The following ZBED1 variants were observed in gnomAD, a reference collection of about 807,000 sequenced individuals.
ZBED1 encodes the protein zinc finger BED-type containing 1.
ZBED1 carries 19 observed loss-of-function variants against 49.7 expected under a neutral mutation model. The observed-to-expected ratio is 0.38, with a 90% CI of 0.27 to 0.56. ZBED1 has a LOEUF of 0.56. Ranked by LOEUF, ZBED1 falls within the 20% of genes least tolerant of loss-of-function variation. The pLI is 0.70. For synonymous variants in ZBED1, 439 were observed against 440.3 expected, an observed-to-expected ratio of 1.00 and a Z score of 0.04; for missense variants, 806 against 972.6, an observed-to-expected ratio of 0.83 and a Z score of 2.28.
chrX:2,489,025 A>T lies in ZBED1; in HGVS notation c.1695T>A (p.His565Gln). The T allele has an allele frequency of 1.9e-6, 3 of 1,613,128 alleles. No homozygotes were observed. The highest frequency in any genetic ancestry group is 2.5e-6 in the Non-Finnish European group (3 of 1,179,376). ...TGGVEDQEEW[H>Q]AQVVEELSNF... ...TGCTCAGCTCCTCCACCACCTGGGCATGCCACTCTTCCTGGTCCTCCACGC... is the reference window on the plus strand; with the variant it reads ...TGCTCAGCTCCTCCACCACCTGGGCTTGCCACTCTTCCTGGTCCTCCACGC... The change falls in exon 2 of 2, where the codon CAT becomes CAA. Residue 565 changes from histidine (H) to glutamine (Q), a missense_variant. Coordinates refer to ENST00000652001, the MANE Select transcript of ZBED1 (RefSeq NM_001171136.2).
intron 1 of ZBED1, among the ~76,000 whole-genome samples, chrX:2,496,295 T>C (rs1192493648): frequency 6.6e-6 from 1 of 152,040 alleles, no homozygotes; most frequent in Non-Finnish European, 1.5e-5. Flanking sequence ...ACCTCCCAGG[T>C]TCACACCATT....
chrX:2,487,847 G>C lies in ZBED1; in HGVS notation c.*788C>G, dbSNP rs1159111441. ...TTAAGAAGGGCATTTTGGCTAAAAG[G>C]TCTCTTCCCCATTTCTCAGAAGCAA... On this transcript the variant is annotated 3_prime_UTR_variant, in exon 2 of 2. Coordinates refer to ENST00000652001, the MANE Select transcript of ZBED1 (RefSeq NM_001171136.2). The C allele has an allele frequency of 2.6e-5, 4 of 151,782 alleles. No homozygotes were observed. In the East Asian group the frequency reaches 7.7e-4, roughly 29 times the overall value. 9.4% of individuals were successfully genotyped at this position (151,782 alleles called of 1,614,324 possible). A position where few individuals can be genotyped will look rare whatever the true frequency, so the allele number is the denominator to read the frequency against.
chrX:2,495,940 C>T (rs1044536892), intron 1 of ZBED1, among the ~76,000 whole-genome samples: 5 of 152,136 alleles, frequency 3.3e-5, no homozygotes, highest in African/African-American at 1.2e-4. Flanking sequence ...AGGAGCCAGC[C>T]GCCATCCGTC....
At chrX:2,495,347 A>C (rs2045256143) in intron 1 of ZBED1, among the ~76,000 whole-genome samples, 1 of 151,824 alleles carries the variant, frequency 6.6e-6, no homozygotes, top group Non-Finnish European at 1.5e-5. Flanking sequence ...ACAAAGGTTT[A>C]TATTCTATTA....
intron 1 of ZBED1, among the ~76,000 whole-genome samples, chrX:2,497,955 T>A (rs2045322665): frequency 1.3e-5 from 2 of 152,202 alleles, no homozygotes; most frequent in South Asian, 4.1e-4. Context: ...ACTTACTGAA[T>A]GGGCCGCATG....
chrX:2,490,989 G>A (rs774847143), intron 1 of ZBED1, among the ~76,000 whole-genome samples: 15 of 151,990 alleles, frequency 9.9e-5, no homozygotes, highest in South Asian at 2.1e-4. Flanking sequence ...CGACTGCAGC[G>A]ATGCCGCACG....
chrX:2,495,109 T>C (rs2045248682), intron 1 of ZBED1, among the ~76,000 whole-genome samples: 1 of 150,880 alleles, frequency 6.6e-6, no homozygotes, highest in Non-Finnish European at 1.5e-5. Context: ...AGCAAAGGTT[T>C]ATATTCTATC....
At chrX:2,497,628 G>A (rs1164743120) in intron 1 of ZBED1, among the ~76,000 whole-genome samples, 1 of 152,142 alleles carries the variant, frequency 6.6e-6, no homozygotes, top group African/African-American at 2.4e-5. Context: ...TTGCATCCCA[G>A]AAAGTGAAGG....
rs760041224 is a variant in ZBED1 at position 2,489,975 on chromosome X, G to A, written c.745C>T (p.Arg249Ter). ...PEENTAETIT[R>*]VLYEVFIEWG... Reference sequence around the variant, plus strand: ...TCGATGAAGACCTCATAGAGCACTCGCGTGATGGTCTCCGCCGTGTTCTCT... The same window carrying A: ...TCGATGAAGACCTCATAGAGCACTCACGTGATGGTCTCCGCCGTGTTCTCT... Residue 249 changes from arginine (R) to a stop codon, truncating the protein, a stop_gained, in exon 2 of 2, where the codon CGA (arginine) becomes TGA (stop). Coordinates refer to ENST00000652001, the MANE Select transcript of ZBED1 (RefSeq NM_001171136.2). LOFTEE classifies it high-confidence loss of function. 8.7e-6 allele frequency: 14 copies of A among 1,613,912 alleles called. No individual in the cohort carries two copies. The highest frequency in any genetic ancestry group is 1.2e-5 in the Non-Finnish European group (14 of 1,179,874).
intron 1 of ZBED1, among the ~76,000 whole-genome samples, chrX:2,495,809 T>G (rs2045270172): frequency 6.6e-6 from 1 of 151,882 alleles, no homozygotes; most frequent in Non-Finnish European, 1.5e-5. Flanking sequence ...CCCAAAACGC[T>G]CTCAGGGGGC....
In ZBED1 at chrX:2,489,843, G is replaced by C. The variant is rs2045077480; in HGVS notation, c.877C>G (p.His293Asp). ...TGCTGGATGCCGGCATTGAAGGTGT[G>C]GCCCAGGCAGGGCATGTGCACTGCG... ...DVAVHMPCLG[H>D]TFNAGIQQAF... The change falls in exon 2 of 2, where the codon CAC becomes GAC. Residue 293 changes from histidine (H) to aspartate (D), a missense_variant. Physicochemically the swap from His to Asp is moderately conservative, Grantham distance 81. This residue lies in a region of ZBED1 where 749 missense variants were observed against 861.3 expected (regional missense o/e 0.87). Coordinates refer to ENST00000652001, the MANE Select transcript of ZBED1 (RefSeq NM_001171136.2). The C allele has an allele frequency of 6.2e-7, 1 of 1,613,610 alleles. No individual in the cohort carries two copies.
At position 2,489,633 on chromosome X, in the gene ZBED1, G is replaced by A. The variant is rs1263556481; in HGVS notation, c.1087C>T (p.Arg363Cys). Reference sequence around the variant, plus strand: ...ATGACGAACTGCTGCTCCTTGAGGCGCTGCAGCATGGCCAGCGTGCTCCCC... The same window carrying A: ...ATGACGAACTGCTGCTCCTTGAGGCACTGCAGCATGGCCAGCGTGCTCCCC... ...WWGSTLAMLQ[R>C]LKEQQFVIAG... Residue 363 changes from arginine (R) to cysteine (C), a missense_variant, in exon 2 of 2, where the codon CGC becomes TGC. Physicochemically the swap from Arg to Cys is radical, Grantham distance 180 (BLOSUM62 -3). This residue lies in a region of ZBED1 where 749 missense variants were observed against 861.3 expected (regional missense o/e 0.87). Coordinates refer to ENST00000652001, the MANE Select transcript of ZBED1 (RefSeq NM_001171136.2). The A allele has an allele frequency of 3.1e-6, 5 of 1,612,404 alleles. No homozygotes were observed. Among genetic ancestry groups the A allele is most frequent in the South Asian group, 1.1e-5 (1 of 90,952 alleles).
rs771370497 is a variant in ZBED1, at chrX:2,489,967, G to C, written c.753C>G (p.Leu251=). Residue 251 remains leucine, a synonymous_variant, in exon 2 of 2, where the codon CTC becomes CTG. Transcript: ENST00000652001. Reference sequence around the variant, plus strand: ...TGCCCCACTCGATGAAGACCTCATAGAGCACTCGCGTGATGGTCTCCGCCG... The same window carrying C: ...TGCCCCACTCGATGAAGACCTCATACAGCACTCGCGTGATGGTCTCCGCCG... ...ENTAETITRV[L]YEVFIEWGIS... 2 of 1,613,904 alleles carry C rather than the reference G, an allele frequency of 1.2e-6. No individual in the cohort carries two copies. Among genetic ancestry groups the C allele is most frequent in the Non-Finnish European group, 1.7e-6 (2 of 1,179,872 alleles).
At chrX:2,496,209 G>A (rs1171994352) in intron 1 of ZBED1, among the ~76,000 whole-genome samples, 1 of 150,402 alleles carries the variant, frequency 6.6e-6, no homozygotes, top group Non-Finnish European at 1.5e-5. Context: ...TGTTTTTTTG[G>A]TTTTTTTGAG....
chrX:2,499,667 G>C (rs1569351936), intron 1 of ZBED1, among the ~76,000 whole-genome samples: 1 of 152,176 alleles, frequency 6.6e-6, no homozygotes, highest in Non-Finnish European at 1.5e-5. Context: ...AGCACTTTGG[G>C]GGACCCAGGT....
At position 2,488,554 on chromosome X, in the gene ZBED1, C is replaced by G; in HGVS notation, c.*81G>C. 6.7e-7 allele frequency: 1 copy of G among 1,488,886 alleles called. No individual in the cohort carries two copies. The highest frequency in any genetic ancestry group is 2.5e-5 in the Admixed American group (1 of 40,260). The allele number at this position is 1,488,886 out of a possible 1,614,324, so 92.2% of individuals were successfully genotyped here. On this transcript the variant is annotated 3_prime_UTR_variant, in exon 2 of 2. Transcript: ENST00000652001. ...GTGGATGGTCTCTGAGGTTCAAAAC[C>G]AAGCTGACCGGGTAAGTATTTACAG...
intron 1 of ZBED1, among the ~76,000 whole-genome samples, chrX:2,495,791 G>A (rs1023114989): frequency 6.6e-6 from 1 of 151,868 alleles, no homozygotes; most frequent in Non-Finnish European, 1.5e-5. Flanking sequence ...GGTTTGGGGG[G>A]GACACTCCCC....
At chrX:2,495,334 T>C (rs973722780) in intron 1 of ZBED1, among the ~76,000 whole-genome samples, 48 of 151,908 alleles carry the variant, frequency 3.2e-4, no homozygotes, top group African/African-American at 1.1e-3. Flanking sequence ...CCCAGTACCA[T>C]GAACAAAGGT....
At chrX:2,500,145 G>A (rs532441242) in intron 1 of ZBED1, among the ~76,000 whole-genome samples, 2 of 152,366 alleles carry the variant, frequency 1.3e-5, no homozygotes, top group East Asian at 1.9e-4. Context: ...GTCCTGCAAA[G>A]TTGGAGATCT....
Sources: gnomAD v4.1 joint callset for allele counts (sites outside exome capture counted in the v4.1 genomes callset) on GRCh38, gnomAD v4.1.1 for gene constraint, gnomAD v4.1.1 regional missense constraint, MANE v1.5 for transcripts, NCBI Gene and HGNC (gene_info 2026-07-23, HGNC 2026-07-21) for gene names.